GRTP1: variants seen among roughly 807,000 people sequenced by gnomAD.
GRTP1 encodes growth hormone regulated TBC protein 1, also known as growth hormone-regulated TBC protein 1.
A neutral mutation model predicts 38.1 loss-of-function variants in GRTP1; 56 were observed. The ratio of observed to expected loss-of-function variants is 1.47; its 90% CI spans 1.19 to 1.84. The LOEUF (loss-of-function observed/expected upper bound fraction) is 1.84. GRTP1 is among the 40% of genes most tolerant of loss of function. The pLI is 0.00. For synonymous variants in GRTP1, 217 were observed against 189.5 expected (o/e 1.14, Z -1.19); for missense variants, 506 against 453.9 (o/e 1.11, Z -1.04).
At chr13:113,334,766 C>G (rs1345871749) in intron 5 of GRTP1, among the ~76,000 whole-genome samples, 1 of 152,156 alleles carries the variant, frequency 6.6e-6, no homozygotes, top group Non-Finnish European at 1.5e-5. Flanking sequence ...CACCACAGCC[C>G]GGCAGTGGAG....
intron 5 of GRTP1, 127 bp downstream of exon 5, chr13:113,344,736 C>A (rs4406954): frequency 0.9 from 330,297 of 364,994 alleles, 148,184 homozygotes; most frequent in Admixed American, 0.98. Flanking sequence ...AAAAAAAAAA[C>A]GGTTTGTAAC....
In GRTP1 at chr13:113,346,168, G is replaced by GACCCGGGAGGATCTC. The variant is rs1566429423; in HGVS notation, c.466-1210_466-1209insGAGATCCTCCCGGGT. Among the ~76,000 whole-genome samples, 17 of 144,732 alleles carry GACCCGGGAGGATCTC rather than the reference G, an allele frequency of 1.2e-4. 1 individual carries two copies. Among genetic ancestry groups the GACCCGGGAGGATCTC allele is most frequent in the Middle Eastern group, 3.5e-3 (1 of 284 alleles). The allele number at this position is 144,732 out of a possible 152,430, so 94.9% of individuals were successfully genotyped here. On this transcript the variant is annotated intron_variant, in intron 4 of 7. Transcript: ENST00000375431. ...CCCGGGAGGACCTCTGTGCCTGACA[G>GACCCGGGAGGATCTC]TGGACCCGGGAGGACCTCTGTGGCT... is the stretch of plus-strand genomic sequence containing the variant.
intron 5 of GRTP1, among the ~76,000 whole-genome samples, chr13:113,326,601 G>A (rs1415902156): frequency 6.6e-6 from 1 of 151,538 alleles, no homozygotes; most frequent in African/African-American, 2.4e-5. Flanking sequence ...AACCTGGGAG[G>A]TGGAGGTTGC....
At chr13:113,350,001 C>T (rs188320986) in intron 4 of GRTP1, among the ~76,000 whole-genome samples, 3 of 152,272 alleles carry the variant, frequency 2.0e-5, no homozygotes, top group East Asian at 1.9e-4. Flanking sequence ...TCTCCAATCC[C>T]GGTGGCAGCC....
intron 4 of GRTP1, among the ~76,000 whole-genome samples, chr13:113,345,919 C>T (rs888048965): frequency 8.6e-5 from 13 of 151,592 alleles, no homozygotes; most frequent in South Asian, 2.1e-4. Context: ...CCGACTGCTT[C>T]GAGCTGATGA....
Position 113,354,743 on chromosome 13 carries a change from T to C in GRTP1, c.340+580A>G, listed in dbSNP as rs141079352. Among the ~76,000 whole-genome samples, 277 of 152,252 alleles carry C rather than the reference T, an allele frequency of 1.8e-3. 1 individual carries two copies. Among genetic ancestry groups the C allele is most frequent in the African/African-American group, 6.4e-3 (267 of 41,536 alleles). On this transcript the variant is annotated intron_variant, in intron 3 of 7. Transcript: ENST00000375431. Reference sequence around the variant, plus strand: ...GGTTTCACCATGTTGGGCAGGCTGGTCTCGAACTCCTGACCTCAGGTGATC... The same window carrying C: ...GGTTTCACCATGTTGGGCAGGCTGGCCTCGAACTCCTGACCTCAGGTGATC...
intron 5 of GRTP1, among the ~76,000 whole-genome samples, chr13:113,340,712 G>A (rs1027496880): frequency 6.6e-5 from 10 of 151,070 alleles, no homozygotes; most frequent in Admixed American, 1.3e-4. Context: ...CCCGGGAGGC[G>A]GAGCTTGCAG....
intron 4 of GRTP1, among the ~76,000 whole-genome samples, chr13:113,347,719 C>A (rs1278488894): frequency 5.7e-4 from 65 of 113,976 alleles, no homozygotes; most frequent in Non-Finnish European, 7.3e-4. Context: ...AGAGCAGACC[C>A]GGGAGGACCT....
At chr13:113,363,232 G>C (rs1425987866) in intron 2 of GRTP1, among the ~76,000 whole-genome samples, 1 of 152,220 alleles carries the variant, frequency 6.6e-6, no homozygotes, top group Admixed American at 6.5e-5. Context: ...CACAAGGACG[G>C]AGTCTCGCTC....
chr13:113,345,396 G>A (rs1212457669), intron 4 of GRTP1, among the ~76,000 whole-genome samples: 1 of 152,236 alleles, frequency 6.6e-6, no homozygotes, highest in African/African-American at 2.4e-5. Context: ...GAATTTCGTG[G>A]TGGAGACCCT....
intron 3 of GRTP1, among the ~76,000 whole-genome samples, chr13:113,353,653 C>T (rs9324234): frequency 0.61 from 92,441 of 150,748 alleles, 28,661 homozygotes; most frequent in Middle Eastern, 0.7. Context: ...AAGCGCACAG[C>T]GGGATTGCCA....
chr13:113,326,138 C>A, intron 5 of GRTP1, 47 bp from the exon 6 acceptor site: 1 of 1,592,636 alleles, frequency 6.3e-7, no homozygotes. Flanking sequence ...CCCGTCACCT[C>A]CACAAGCCCC....
At chr13:113,352,085 T>C (rs2043277355) in intron 3 of GRTP1, 1 of 136,250 alleles carries the variant, frequency 7.3e-6, no homozygotes, top group South Asian at 2.4e-4. Flanking sequence ...GTGTGTTTTC[T>C]TACAAAAGAG....
intron 5 of GRTP1, among the ~76,000 whole-genome samples, chr13:113,333,898 G>A (rs1005354887): frequency 8.7e-5 from 13 of 149,116 alleles, no homozygotes; most frequent in Admixed American, 8.1e-4. Context: ...GCAGTAGCGC[G>A]ATCTTGGTTC....
chr13:113,350,111 C>T (rs1193046796), intron 4 of GRTP1, among the ~76,000 whole-genome samples: 2 of 152,122 alleles, frequency 1.3e-5, no homozygotes, highest in African/African-American at 2.4e-5. Context: ...AGATGCCTGC[C>T]CTGCCCTCGG....
intron 3 of GRTP1, among the ~76,000 whole-genome samples, chr13:113,352,264 TTA>T (rs1595505985): frequency 1.3e-5 from 1 of 76,810 alleles, no homozygotes; most frequent in South Asian, 4.5e-4. Flanking sequence ...TTATATATTT[TTA>T]TATTTTTATA....
intron 2 of GRTP1, among the ~76,000 whole-genome samples, chr13:113,358,794 G>A (rs956538219): frequency 2.0e-5 from 3 of 152,178 alleles, no homozygotes; most frequent in African/African-American, 7.2e-5. Context: ...GGAGCAATTA[G>A]GACACTCATA....
chr13:113,363,578 G>C (rs1489721534), intron 2 of GRTP1, among the ~76,000 whole-genome samples, 184 bp downstream of exon 2: 1 of 152,130 alleles, frequency 6.6e-6, no homozygotes, highest in Non-Finnish European at 1.5e-5. Context: ...CCGACCCGCC[G>C]GCCCATCTCA....
intron 3 of GRTP1, among the ~76,000 whole-genome samples, chr13:113,353,541 C>A (rs1222879832): frequency 6.6e-6 from 1 of 152,178 alleles, no homozygotes; most frequent in Non-Finnish European, 1.5e-5. Context: ...TCTTATGTGA[C>A]CCTGGAGTTG....
Sources: allele counts gnomAD v4.1 joint callset (sites outside exome capture counted in the v4.1 genomes callset), GRCh38; gene constraint gnomAD v4.1.1; transcripts MANE v1.5; gene names NCBI Gene and HGNC (gene_info 2026-07-23, HGNC 2026-07-21).